PPFIA2: variants seen among roughly 807,000 people sequenced by gnomAD.
PPFIA2 encodes the protein liprin-alpha-2.
PPFIA2 carries 46 observed loss-of-function variants against 175.5 expected under a neutral mutation model. That is an observed-to-expected ratio of 0.26 (90% CI 0.21 to 0.34). PPFIA2 has a LOEUF of 0.34. PPFIA2 is among the 10% of genes least tolerant of loss of function. The probability of loss-of-function intolerance (pLI) is 1.00; values close to 1 mark genes in which losing one functional copy is unlikely to be tolerated. For synonymous variants in PPFIA2, 568 were observed against 511.4 expected, an observed-to-expected ratio of 1.11 and a Z score of -1.49; for missense variants, 1,179 against 1,506.1, an observed-to-expected ratio of 0.78 and a Z score of 3.60.
chr12:81,452,621 A>C (rs1164937927), intron 5 of PPFIA2, among the ~76,000 whole-genome samples: 1 of 152,234 alleles, frequency 6.6e-6, no homozygotes, highest in African/African-American at 2.4e-5. Context: ...ACATATGTAG[A>C]ATCTTTATCT....
chr12:81,622,734 A>G (rs950423490), intron 4 of PPFIA2, among the ~76,000 whole-genome samples: 9 of 152,054 alleles, frequency 5.9e-5, no homozygotes, highest in Admixed American at 5.9e-4. Context: ...GAAAACCTGA[A>G]CCCAACAGAA....
intron 4 of PPFIA2, among the ~76,000 whole-genome samples, chr12:81,630,136 G>A (rs2153495442): frequency 6.6e-6 from 1 of 152,252 alleles, no homozygotes; most frequent in South Asian, 2.1e-4. Flanking sequence ...CTTCCTTAGA[G>A]TCTCCAGTGG....
At chr12:81,744,341 C>A (rs1436975535) in intron 3 of PPFIA2, among the ~76,000 whole-genome samples, 1 of 151,444 alleles carries the variant, frequency 6.6e-6, no homozygotes, top group Admixed American at 6.6e-5. Flanking sequence ...TTCTAACAAT[C>A]ATTTCAAATT....
rs1567686433 is a variant in PPFIA2, at chr12:81,642,683, C to CATACATGTATGTATA, written c.303+34107_303+34108insTATACATACATGTAT. On this transcript the variant is annotated intron_variant, in intron 4 of 32. Coordinates refer to ENST00000549396, the MANE Select transcript of PPFIA2 (RefSeq NM_003625.5). The stretch of plus-strand genomic sequence containing the variant: ...CTATTATATACATACATGTATGTAT[C>CATACATGTATGTATA]TATTATATACATACATGTATATGTA... Among the ~76,000 whole-genome samples, 11 of 35,978 alleles carry CATACATGTATGTATA rather than the reference C, an allele frequency of 3.1e-4. 1 individual carries two copies. Among genetic ancestry groups the CATACATGTATGTATA allele is most frequent in the Admixed American group, 1.5e-3 (4 of 2,758 alleles). The allele number at this position is 35,978 out of a possible 152,430, so 23.6% of individuals were successfully genotyped here.
intron 4 of PPFIA2, among the ~76,000 whole-genome samples, chr12:81,582,049 T>C (rs1323929130): frequency 6.6e-6 from 1 of 151,918 alleles, no homozygotes; most frequent in African/African-American, 2.4e-5. Flanking sequence ...TCCTTGCATT[T>C]TGTAGTCCGC....
intron 4 of PPFIA2, chr12:81,472,674 C>A (rs1455341818): frequency 2.0e-5 from 3 of 152,174 alleles, no homozygotes; most frequent in Admixed American, 2.0e-4. Flanking sequence ...ATTCTTTTAA[C>A]ATCAATAGCA....
intron 4 of PPFIA2, among the ~76,000 whole-genome samples, chr12:81,500,714 A>T (rs1273664197): frequency 6.6e-6 from 1 of 152,200 alleles, no homozygotes; most frequent in Non-Finnish European, 1.5e-5. Flanking sequence ...TCCCAGAGAC[A>T]TAGAGTTTCC....
At chr12:81,731,396 G>A (rs1217242212) in intron 3 of PPFIA2, among the ~76,000 whole-genome samples, 4 of 151,538 alleles carry the variant, frequency 2.6e-5, no homozygotes, top group Non-Finnish European at 5.9e-5. Context: ...ATGAATGTGG[G>A]TCTCATTTAC....
At chr12:81,547,286 G>A (rs1046318096) in intron 4 of PPFIA2, among the ~76,000 whole-genome samples, 3 of 151,990 alleles carry the variant, frequency 2.0e-5, no homozygotes, top group African/African-American at 4.8e-5. Context: ...AACAAAAGTC[G>A]AGCCTCAATC....
At chr12:81,581,852 A>G (rs79936995) in intron 4 of PPFIA2, among the ~76,000 whole-genome samples, 14,284 of 151,888 alleles carry the variant, frequency 0.094, 843 homozygotes, top group South Asian at 0.16. Context: ...GCTGCTTTCA[A>G]CTGCAAGCCT....
At chr12:81,528,080 T>A (rs994548945) in intron 4 of PPFIA2, among the ~76,000 whole-genome samples, 1 of 152,082 alleles carries the variant, frequency 6.6e-6, no homozygotes, top group Admixed American at 6.6e-5. Context: ...GAGGGTTTTT[T>A]ATTTATTCTA....
chr12:81,462,288 T>TATATATATATATGTTAGAAAAC (rs2054705719), intron 4 of PPFIA2, among the ~76,000 whole-genome samples: 1 of 82,346 alleles, frequency 1.2e-5, no homozygotes, highest in African/African-American at 1.3e-4. Context: ...TTAGAAAACA[T>TATATATATATATGTTAGAAAAC]ATATATATAT....
intron 4 of PPFIA2, among the ~76,000 whole-genome samples, chr12:81,536,324 T>C (rs766415904): frequency 2.8e-4 from 42 of 151,680 alleles, no homozygotes; most frequent in Non-Finnish European, 5.0e-4. Context: ...TCATAAATAC[T>C]TAATATTACA....
chr12:81,353,181 G>A lies in PPFIA2; in HGVS notation c.1932C>T (p.Ser644=), dbSNP rs778364645. The stretch of plus-strand genomic sequence containing the variant: ...GCATCATGGCTAGCGTCTGGGCATC[G>A]GAATGACCACTTGGAGAGAGAAGAT... ...SMDLLSPSGH[S]DAQTLAMMLQ... The change falls in exon 17 of 33, where the codon TCC becomes TCT. Residue 644 remains serine (S), a synonymous_variant. Coordinates refer to ENST00000549396, the MANE Select transcript of PPFIA2 (RefSeq NM_003625.5). 11 of 1,613,622 alleles carry A rather than the reference G, an allele frequency of 6.8e-6. No homozygotes were observed. Among genetic ancestry groups the A allele is most frequent in the East Asian group, 6.7e-5 (3 of 44,870 alleles).
At chr12:81,745,013 G>T (rs1009052480) in intron 3 of PPFIA2, among the ~76,000 whole-genome samples, 19 of 152,142 alleles carry the variant, frequency 1.2e-4, no homozygotes, top group Non-Finnish European at 2.5e-4. Flanking sequence ...CCTCTACCCA[G>T]TTTAATGAAT....
intron 4 of PPFIA2, among the ~76,000 whole-genome samples, chr12:81,650,342 CT>C (rs906138390): frequency 1.3e-5 from 2 of 151,966 alleles, no homozygotes; most frequent in African/African-American, 4.8e-5. Flanking sequence ...GGATTGTACT[CT>C]TTCTCTATTG....
intron 3 of PPFIA2, among the ~76,000 whole-genome samples, chr12:81,735,487 T>C (rs2081459227): frequency 6.6e-6 from 1 of 151,852 alleles, no homozygotes; most frequent in Admixed American, 6.6e-5. Flanking sequence ...AAATTCAGAA[T>C]ATATGTCCTT....
chr12:81,352,221 C>G (rs2060132907), intron 17 of PPFIA2, among the ~76,000 whole-genome samples: 1 of 151,796 alleles, frequency 6.6e-6, no homozygotes, highest in Non-Finnish European at 1.5e-5. Flanking sequence ...AGTAAAGGCT[C>G]TCAGATCCCT....
At chr12:81,364,466 C>A (rs1195378160) in intron 14 of PPFIA2, among the ~76,000 whole-genome samples, 1 of 151,854 alleles carries the variant, frequency 6.6e-6, no homozygotes, top group African/African-American at 2.4e-5. Flanking sequence ...TCATTGCAGT[C>A]TTGAACTCCA....
Sources: gnomAD v4.1 joint callset for allele counts (sites outside exome capture counted in the v4.1 genomes callset) on GRCh38, gnomAD v4.1.1 for gene constraint, MANE v1.5 for transcripts, NCBI Gene and HGNC (gene_info 2026-07-23, HGNC 2026-07-21) for gene names.